ASAP1: variants seen among roughly 807,000 people sequenced by gnomAD.
ASAP1 encodes ArfGAP with SH3 domain, ankyrin repeat and PH domain 1.
A neutral mutation model predicts 145.2 loss-of-function variants in ASAP1; 43 were observed. The observed-to-expected ratio is 0.30, with a 90% CI of 0.23 to 0.38. The LOEUF is 0.38. ASAP1 is among the 10% of genes least tolerant of loss of function. ASAP1 has a pLI of 1.00. For missense variants in ASAP1, 1,018 were observed against 1,355.3 expected (o/e 0.75, Z 3.91); for synonymous variants, 546 against 515.5 (o/e 1.06, Z -0.80).
chr8:130,300,176 A>AGAGAGAGG (rs1822566498), intron 3 of ASAP1, among the ~76,000 whole-genome samples: 1 of 149,336 alleles, frequency 6.7e-6, no homozygotes, highest in Non-Finnish European at 1.5e-5. Context: ...AGAGAGAGAG[A>AGAGAGAGG]GAGAGAGAGA....
At chr8:130,295,943 T>C (rs1218509245) in intron 3 of ASAP1, among the ~76,000 whole-genome samples, 1 of 152,200 alleles carries the variant, frequency 6.6e-6, no homozygotes, top group Non-Finnish European at 1.5e-5. Flanking sequence ...CATCTTTGCC[T>C]CTCAAAGCCC....
At chr8:130,140,253 C>A (rs913493250) in intron 13 of ASAP1, among the ~76,000 whole-genome samples, 1 of 151,792 alleles carries the variant, frequency 6.6e-6, no homozygotes, top group African/African-American at 2.4e-5. Context: ...GTTGCCCAGG[C>A]TGCTCTTAAA....
intron 3 of ASAP1, among the ~76,000 whole-genome samples, chr8:130,324,528 G>T (rs1296067263): frequency 6.6e-6 from 1 of 152,130 alleles, no homozygotes; most frequent in African/African-American, 2.4e-5. Flanking sequence ...ACTGACTTGG[G>T]CAAGTACTTA....
chr8:130,121,204 C>A (rs1366335829), intron 18 of ASAP1, among the ~76,000 whole-genome samples: 1 of 152,186 alleles, frequency 6.6e-6, no homozygotes, highest in Non-Finnish European at 1.5e-5. Flanking sequence ...CTAACAGCTT[C>A]TCCTCTGTCT....
chr8:130,429,268 T>G (rs75616073), intron 1 of ASAP1, among the ~76,000 whole-genome samples: 2,408 of 152,322 alleles, frequency 0.016, 29 homozygotes, highest in East Asian at 0.051. Flanking sequence ...TCAAGATATC[T>G]TTTGAAGGGA....
chr8:130,279,310 C>A (rs1821114522), intron 3 of ASAP1, among the ~76,000 whole-genome samples: 1 of 152,026 alleles, frequency 6.6e-6, no homozygotes, highest in Non-Finnish European at 1.5e-5. Flanking sequence ...CTGAAGTCAC[C>A]CACACCTTCT....
intron 3 of ASAP1, among the ~76,000 whole-genome samples, chr8:130,290,807 C>A (rs1412167297): frequency 6.6e-6 from 1 of 152,174 alleles, no homozygotes; most frequent in Non-Finnish European, 1.5e-5. Flanking sequence ...CCTGGTACTA[C>A]AGGATCAATT....
chr8:130,420,810 T>A (rs552936249), intron 1 of ASAP1, among the ~76,000 whole-genome samples: 3 of 151,760 alleles, frequency 2.0e-5, no homozygotes, highest in Non-Finnish European at 4.4e-5. Context: ...GGAGAATCAC[T>A]TGAACTCGGG....
chr8:130,137,189 T>A (rs1013983071), intron 13 of ASAP1, 151 bp from the exon 14 acceptor site: 1 of 682,946 alleles, frequency 1.5e-6, no homozygotes, highest in Non-Finnish European at 2.6e-6. Context: ...CATCTGAGCA[T>A]TGTTCCAAGT....
Position 130,276,687 on chromosome 8 carries a change from A to AACACAC in ASAP1, c.187-39699_187-39694dup, listed in dbSNP as rs1161892776. Among the ~76,000 whole-genome samples the AACACAC allele has an allele frequency of 9.7e-3, 887 of 91,418 alleles. 15 individuals are homozygous for AACACAC. The highest frequency in any genetic ancestry group is 0.014 in the South Asian group (31 of 2,154). The allele number at this position is 91,418 out of a possible 152,430, so 60.0% of individuals were successfully genotyped here. A position where few individuals can be genotyped will look rare whatever the true frequency, so the allele number is the denominator to read the frequency against. ...ACGTGAACTGAGAGCCAAGACTGCA[A>AACACAC]ACACACACACACACACACACACACA... On this transcript the variant is annotated intron_variant, in intron 3 of 29. Transcript: ENST00000518721.
chr8:130,076,190 C>T (rs1016907841), intron 27 of ASAP1, among the ~76,000 whole-genome samples, 158 bp downstream of exon 27: 1 of 152,184 alleles, frequency 6.6e-6, no homozygotes, highest in Non-Finnish European at 1.5e-5. Flanking sequence ...AAATACCTTT[C>T]GTCATTTAAT....
chr8:130,063,379 G>A (rs1304813072), intron 27 of ASAP1, among the ~76,000 whole-genome samples: 2 of 152,148 alleles, frequency 1.3e-5, no homozygotes, highest in Admixed American at 1.3e-4. Context: ...GCAGGGCCAT[G>A]CTGTCCCCAG....
At chr8:130,159,784 G>T in intron 12 of ASAP1, 80 bp downstream of exon 12, 1 of 1,122,778 alleles carries the variant, frequency 8.9e-7, no homozygotes, top group Non-Finnish European at 1.3e-6. Context: ...AAAATTTTAA[G>T]TGTGTTTCCC....
intron 5 of ASAP1, 140 bp from the exon 6 acceptor site, chr8:130,188,323 C>A: frequency 1.5e-6 from 1 of 676,274 alleles, no homozygotes; most frequent in South Asian, 1.7e-5. Context: ...ATTGAACCTA[C>A]ATGACACCTC....
At chr8:130,286,415 T>A (rs905724490) in intron 3 of ASAP1, among the ~76,000 whole-genome samples, 1 of 152,216 alleles carries the variant, frequency 6.6e-6, no homozygotes, top group Non-Finnish European at 1.5e-5. Flanking sequence ...CTTACTTTGA[T>A]ATAAAATAAA....
chr8:130,336,850 A>T (rs1460998089), intron 3 of ASAP1, among the ~76,000 whole-genome samples: 1 of 152,208 alleles, frequency 6.6e-6, no homozygotes, highest in African/African-American at 2.4e-5. Context: ...CAATGAAACC[A>T]CCAGAGAACA....
chr8:130,381,705 G>A (rs946176516), intron 2 of ASAP1, among the ~76,000 whole-genome samples: 5 of 152,096 alleles, frequency 3.3e-5, no homozygotes, highest in African/African-American at 1.2e-4. Context: ...ATATGACCAG[G>A]CCACTGTCCA....
In ASAP1 at chr8:130,126,098, A is replaced by C. The variant is rs2305510; in HGVS notation, c.1382-9T>G. Reference sequence around the variant, plus strand: ...TGAAAGCCAGGTGGGTTCTGTGGAAAGAATGTTGAAGACAATGAAACAAAA... The same window carrying C: ...TGAAAGCCAGGTGGGTTCTGTGGAACGAATGTTGAAGACAATGAAACAAAA... On this transcript the variant is annotated splice_polypyrimidine_tract_variant and intron_variant, in intron 16 of 29. Coordinates refer to ENST00000518721, the MANE Select transcript of ASAP1 (RefSeq NM_018482.4). The C allele has an allele frequency of 0.12, 185,060 of 1,597,144 alleles. 12,590 individuals are homozygous for C. Among genetic ancestry groups the C allele is most frequent in the South Asian group, 0.26 (22,857 of 87,182 alleles).
rs143237498 is a variant in ASAP1 at position 130,265,429 on chromosome 8, A to C, written c.187-28435T>G. 3.0e-3 allele frequency among the ~76,000 whole-genome samples: 455 copies of C among 151,964 alleles called. 1 individual carries two copies. The highest frequency in any genetic ancestry group is 5.2e-3 in the Admixed American group (80 of 15,254). On this transcript the variant is annotated intron_variant, in intron 3 of 29. Coordinates refer to ENST00000518721, the MANE Select transcript of ASAP1 (RefSeq NM_018482.4). ...CAACTAAAATTTTTAAAAAAGTAACAGGGTGTGGTGGTACACACCTACAGT... is the reference window on the plus strand; with the variant it reads ...CAACTAAAATTTTTAAAAAAGTAACCGGGTGTGGTGGTACACACCTACAGT...
Sources: allele counts gnomAD v4.1 joint callset (sites outside exome capture counted in the v4.1 genomes callset), GRCh38; gene constraint gnomAD v4.1.1; transcripts MANE v1.5; gene names NCBI Gene and HGNC (gene_info 2026-07-23, HGNC 2026-07-21).